The following TNRC18 variants were observed in gnomAD, a reference collection of about 807,000 sequenced individuals.
The protein encoded by TNRC18 is trinucleotide repeat-containing gene 18 protein.
In TNRC18, 69 loss-of-function variants were observed where a neutral mutation model predicts 226.7. The observed-to-expected ratio is 0.30, with a 90% CI of 0.25 to 0.37. The LOEUF is 0.37. Among genes scored for constraint, TNRC18 ranks in the 10% least tolerant of loss-of-function variants. TNRC18 has a pLI of 1.00. For missense variants in TNRC18, 4,754 were observed against 4,256.6 expected, an observed-to-expected ratio of 1.12 and a Z score of -3.25; for synonymous variants, 2,449 against 1,927.6, an observed-to-expected ratio of 1.27 and a Z score of -7.09.
At position 5,377,423 on chromosome 7, in the gene TNRC18, G is replaced by C; in HGVS notation, c.2409C>G (p.Pro803=). 6.3e-7 allele frequency: 1 copy of C among 1,590,112 alleles called. No individual in the cohort carries two copies. The highest frequency in any genetic ancestry group is 8.6e-7 in the Non-Finnish European group (1 of 1,168,764). The change falls in exon 7 of 30, where the codon CCC becomes CCG. Residue 803 remains proline, a synonymous_variant. Coordinates refer to ENST00000430969, the MANE Select transcript of TNRC18 (RefSeq NM_001080495.3). The surrounding 1 kb of genome is among the most constrained non-coding windows in gnomAD (Gnocchi z 5.8). The part of the protein sequence containing the change: ...ADPAAHLATH[P]WLPRSGNASM... ...ATGCGTTGCCCGAGCGGGGCAACCA[G>C]GGGTGCGTGGCCAGATGGGCTGCGG...
rs575271614 is a variant in TNRC18, at chr7:5,362,727, G to C, written c.4318C>G (p.Pro1440Ala). 71 of 1,575,228 alleles carry C rather than the reference G, an allele frequency of 4.5e-5. No individual in the cohort carries two copies. In the South Asian group the frequency reaches 8.2e-4, roughly 18 times the overall value. Residue 1440 changes from proline (P) to alanine (A), a missense_variant, in exon 12 of 30, where the codon CCA (proline) becomes GCA (alanine). Coordinates refer to ENST00000430969, the MANE Select transcript of TNRC18 (RefSeq NM_001080495.3). ...CGCGGGAGCCGCAGGTTCTTGAGTGGGTCCACCACGGGCCCATCCAGCACC... is the reference window on the plus strand; with the variant it reads ...CGCGGGAGCCGCAGGTTCTTGAGTGCGTCCACCACGGGCCCATCCAGCACC... ...REVLDGPVVDPLKNLRLPREL... is the reference protein window; with the variant it reads ...REVLDGPVVDALKNLRLPREL...
intron 18 of TNRC18, among the ~76,000 whole-genome samples, chr7:5,334,330 T>C (rs1789864992): frequency 6.6e-6 from 1 of 152,022 alleles, no homozygotes; most frequent in African/African-American, 2.4e-5. Context: ...GGAGTCTCGC[T>C]TTGTCGCCCA....
Position 5,389,012 on chromosome 7 carries a change from G to C in TNRC18, c.812C>G (p.Thr271Ser), listed in dbSNP as rs1780058203. 7.5e-7 allele frequency: 1 copy of C among 1,341,320 alleles called. No individual in the cohort carries two copies. The highest frequency in any genetic ancestry group is 9.6e-7 in the Non-Finnish European group (1 of 1,037,814). The allele number at this position is 1,341,320 out of a possible 1,614,324, so 83.1% of individuals were successfully genotyped here. Residue 271 changes from threonine to serine, a missense_variant, in exon 5 of 30, where the codon ACC becomes AGC. Thr to Ser is a moderately conservative substitution (Grantham distance 58). Coordinates refer to ENST00000430969, the MANE Select transcript of TNRC18 (RefSeq NM_001080495.3). ...RLSPFLAESK[T>S]KNAALQPSVL... ...CGACGGCTGCAGCGCCGCATTCTTGGTCTTGGACTCAGCCAGGAAGGGCGA... is the reference window on the plus strand; with the variant it reads ...CGACGGCTGCAGCGCCGCATTCTTGCTCTTGGACTCAGCCAGGAAGGGCGA...
chr7:5,371,309 G>A lies in TNRC18; in HGVS notation c.3285C>T (p.Tyr1095=). 3.9e-6 allele frequency: 6 copies of A among 1,556,880 alleles called. No individual in the cohort carries two copies. Among genetic ancestry groups the A allele is most frequent in the Non-Finnish European group, 5.2e-6 (6 of 1,154,752 alleles). The change falls in exon 11 of 30, where the codon TAC becomes TAT. Residue 1095 remains tyrosine (Y), a synonymous_variant. Coordinates refer to ENST00000430969, the MANE Select transcript of TNRC18 (RefSeq NM_001080495.3). ...CGGCCGTGGGCTGCAGCAGGAAAGG[G>A]TAGGGCCTCCCGTAGTGCGGTGGCA... is the stretch of plus-strand genomic sequence containing the variant. ...QALPPHYGRP[Y]PFLLQPTAAA...
Position 5,309,875 on chromosome 7 carries a change from C to T in TNRC18, c.8389-507G>A, listed in dbSNP as rs996841053. Reference sequence around the variant, plus strand: ...CCTTTGCCTCCCAAAGCACTAGGATCGCAGTGTCAGCCACTGCACCTGGCC... The same window carrying T: ...CCTTTGCCTCCCAAAGCACTAGGATTGCAGTGTCAGCCACTGCACCTGGCC... On this transcript the variant is annotated intron_variant, in intron 27 of 29. Transcript: ENST00000430969. The surrounding 1 kb of genome is among the most constrained non-coding windows in gnomAD (Gnocchi z 5.7). 4.6e-5 allele frequency among the ~76,000 whole-genome samples: 7 copies of T among 152,074 alleles called. No individual in the cohort carries two copies. Among genetic ancestry groups the T allele is most frequent in the African/African-American group, 1.2e-4 (5 of 41,398 alleles).
chr7:5,311,573 G>A (rs950623980), intron 27 of TNRC18, among the ~76,000 whole-genome samples: 2 of 152,200 alleles, frequency 1.3e-5, no homozygotes, highest in Non-Finnish European at 2.9e-5. Flanking sequence ...CAGCACTCTG[G>A]GAGGCTGAGG....
chr7:5,396,780 TG>T (rs1316464199), intron 2 of TNRC18, among the ~76,000 whole-genome samples: 2 of 152,082 alleles, frequency 1.3e-5, no homozygotes, highest in Non-Finnish European at 2.9e-5. Context: ...TATGTGGCTT[TG>T]CAGGAGATGT....
At chr7:5,360,138 C>T (rs1398524488) in intron 14 of TNRC18, among the ~76,000 whole-genome samples, 1 of 152,218 alleles carries the variant, frequency 6.6e-6, no homozygotes, top group East Asian at 1.9e-4. Flanking sequence ...GGCACTCACT[C>T]ACTGTGTGTC....
chr7:5,349,549 C>A (rs1048187409), intron 17 of TNRC18, among the ~76,000 whole-genome samples: 5 of 152,144 alleles, frequency 3.3e-5, no homozygotes, highest in Non-Finnish European at 7.3e-5. Context: ...GGGGGCGAAC[C>A]CCGAGGAGGG....
rs1786711477 is a variant in TNRC18 at position 5,307,888 on chromosome 7, A to AGGGGTTGGAAGGT, written c.*205_*217dup. 1 of 581,200 alleles carries AGGGGTTGGAAGGT rather than the reference A, an allele frequency of 1.7e-6. No individual in the cohort carries two copies. The highest frequency in any genetic ancestry group is 2.0e-5 in the South Asian group (1 of 49,914). The allele number at this position is 581,200 out of a possible 1,614,324, so 36.0% of individuals were successfully genotyped here. A position where few individuals can be genotyped will look rare whatever the true frequency, so the allele number is the denominator to read the frequency against. On this transcript the variant is annotated 3_prime_UTR_variant, in exon 30 of 30. Transcript: ENST00000430969. ...AGGGGCCCCTGTCCTGGGGGCACTG[A>AGGGGTTGGAAGGT]GGGGTTGGAAGGTGGGGCTGGAGGC...
In TNRC18 at chr7:5,307,049, CTTCTCTCCCTA is replaced by C. The variant is rs1786591362; in HGVS notation, c.*1046_*1056del. ...CTTGGGCCGGCTCCTGCCTCTCCCT[CTTCTCTCCCTA>C]ACAAACACTTCTCTATCCTGGGGGG... On this transcript the variant is annotated 3_prime_UTR_variant, in exon 30 of 30. Coordinates refer to ENST00000430969, the MANE Select transcript of TNRC18 (RefSeq NM_001080495.3). 2 of 144,692 alleles carry C rather than the reference CTTCTCTCCCTA, an allele frequency of 1.4e-5. No individual in the cohort carries two copies. The allele number at this position is 144,692 out of a possible 1,614,324, so 9.0% of individuals were successfully genotyped here. A position where few individuals can be genotyped will look rare whatever the true frequency, so the allele number is the denominator to read the frequency against.
chr7:5,368,476 A>C (rs912764624), intron 11 of TNRC18, among the ~76,000 whole-genome samples: 7 of 152,074 alleles, frequency 4.6e-5, no homozygotes, highest in Non-Finnish European at 7.4e-5. Context: ...CAGCCTGGCC[A>C]ACATGGTGAA....
intron 19 of TNRC18, chr7:5,329,952 T>G (rs1254560666): frequency 2.1e-6 from 1 of 471,024 alleles, no homozygotes; most frequent in Non-Finnish European, 4.4e-6. Flanking sequence ...GTCTGCCTTT[T>G]GATACTGTAG....
chr7:5,345,417 C>A (rs924168124), intron 18 of TNRC18, 145 bp downstream of exon 18: 2 of 808,582 alleles, frequency 2.5e-6, no homozygotes, highest in African/African-American at 1.7e-5. Context: ...CTGATCAGCA[C>A]GGGGCTGGCC....
rs549764420 is a variant in TNRC18, at chr7:5,370,793, C to T, written c.3801G>A (p.Ala1267=). The part of the protein sequence containing the change: ...AKEEPVEVPV[A]VPVVEAVPEE... The stretch of plus-strand genomic sequence containing the variant: ...CGGGCACTGCCTCCACCACGGGCAC[C>T]GCCACAGGCACCTCCACCGGCTCCT... Residue 1267 remains alanine (A), a synonymous_variant, in exon 11 of 30, where the codon GCG becomes GCA. Transcript: ENST00000430969. The T allele has an allele frequency of 3.1e-6, 5 of 1,606,008 alleles. No individual in the cohort carries two copies. Among genetic ancestry groups the T allele is most frequent in the Admixed American group, 1.7e-5 (1 of 59,234 alleles).
rs1485519929 is a variant in TNRC18, at chr7:5,410,362, G to A, written c.187+10698C>T. On this transcript the variant is annotated intron_variant, in intron 2 of 29. Transcript: ENST00000430969. ...AAAAAATTCAATGATTAGCCCAGGA[G>A]ACCCAGGATATCTAACTAATAGGAA... Among the ~76,000 whole-genome samples the A allele has an allele frequency of 3.4e-5, 5 of 148,508 alleles. No homozygotes were observed. In the South Asian group the frequency reaches 1.1e-3, roughly 32 times the overall value.
At position 5,394,416 on chromosome 7, in the gene TNRC18, C is replaced by A; in HGVS notation, c.343+24G>T. ...GGGACGTCAGCCCAGCAGCCCTCAG[C>A]CCCGACCCCGGCATGTTCCTTACCT... On this transcript the variant is annotated intron_variant, in intron 3 of 29. Coordinates refer to ENST00000430969, the MANE Select transcript of TNRC18 (RefSeq NM_001080495.3). This position sits in a 1 kb window ranked among gnomAD's most constrained non-coding sequence, Gnocchi z 4.5. The A allele has an allele frequency of 6.6e-7, 1 of 1,510,720 alleles. No individual in the cohort carries two copies. The highest frequency in any genetic ancestry group is 8.9e-7 in the Non-Finnish European group (1 of 1,129,466). The allele number at this position is 1,510,720 out of a possible 1,614,324, so 93.6% of individuals were successfully genotyped here.
chr7:5,395,610 A>C (rs745784246), intron 2 of TNRC18, among the ~76,000 whole-genome samples: 2 of 152,240 alleles, frequency 1.3e-5, no homozygotes, highest in Non-Finnish European at 2.9e-5. Flanking sequence ...TTCCCTTACC[A>C]GGTCTCGGTT....
At chr7:5,314,902 T>C in intron 26 of TNRC18, 82 bp downstream of exon 26, 1 of 1,434,226 alleles carries the variant, frequency 7.0e-7, no homozygotes, top group African/African-American at 1.4e-5. Context: ...AGGCAGGCAC[T>C]TCGGCAGGTT....
Sources: allele counts gnomAD v4.1 joint callset (sites outside exome capture counted in the v4.1 genomes callset), GRCh38; gene constraint gnomAD v4.1.1; non-coding constraint Gnocchi (gnomAD v3.1); transcripts MANE v1.5; gene names NCBI Gene and HGNC (gene_info 2026-07-23, HGNC 2026-07-21).